Variants in PCDHGB3 observed in about 807,000 individuals in gnomAD.
PCDHGB3 encodes protocadherin gamma subfamily B, 3.
Under a neutral mutation model 59.2 loss-of-function variants are expected in PCDHGB3, and 40 were observed. That is an observed-to-expected ratio of 0.68 (90% CI 0.52 to 0.88). The LOEUF is 0.88. PCDHGB3 is among the 40% of genes least tolerant of loss of function. PCDHGB3 has a pLI of 0.00. For missense variants in PCDHGB3, 1,309 were observed against 1,187.9 expected, an observed-to-expected ratio of 1.10 and a Z score of -1.50; for synonymous variants, 581 against 503.6, an observed-to-expected ratio of 1.15 and a Z score of -2.06.
intron 1 of PCDHGB3, chr5:141,427,447 T>A (rs556527924): frequency 1.9e-4 from 92 of 483,324 alleles, no homozygotes; most frequent in African/African-American, 1.4e-3. Context: ...AACGAAAGAG[T>A]TCCTTTTAGA....
intron 1 of PCDHGB3, chr5:141,384,886 G>T: frequency 6.2e-7 from 1 of 1,613,822 alleles, no homozygotes. Context: ...ACTCACCGTG[G>T]CTGTGGCTGA....
rs375436846 is a variant in PCDHGB3, at chr5:141,399,581, A to T, written c.2415+26772A>T. ...TTGGGGTTGAACGGCCAAGTCTCCT[A>T]CTCTATCATGGCCAGCGACCTAGAG... is the stretch of plus-strand genomic sequence containing the variant. On this transcript the variant is annotated intron_variant, in intron 1 of 3. Coordinates refer to ENST00000576222, the MANE Select transcript of PCDHGB3 (RefSeq NM_018924.5). 9.9e-6 allele frequency: 16 copies of T among 1,613,788 alleles called. No homozygotes were observed. The African/African-American group carries it at 1.9e-4, about 19-fold the overall frequency.
chr5:141,372,507 C>G lies in PCDHGB3; in HGVS notation c.2113C>G (p.Leu705Val), dbSNP rs1393188281. ...GGCCTTGATCTCAGTGCTCTTCCTC[C>G]TCGCGGTGATTCTGGCAATCTCCCT... ...ALALISVLFL[L>V]AVILAISLRL... The change falls in exon 1 of 4, where the codon CTC becomes GTC. Residue 705 changes from leucine to valine, a missense_variant. Physicochemically the swap from Leu to Val is conservative, Grantham distance 32. Coordinates refer to ENST00000576222, the MANE Select transcript of PCDHGB3 (RefSeq NM_018924.5). 6.2e-7 allele frequency: 1 copy of G among 1,614,044 alleles called. No individual in the cohort carries two copies. The highest frequency in any genetic ancestry group is 8.5e-7 in the Non-Finnish European group (1 of 1,179,890).
chr5:141,419,872 A>G (rs1354880437), intron 1 of PCDHGB3: 1 of 1,614,094 alleles, frequency 6.2e-7, no homozygotes, highest in Admixed American at 1.7e-5. Flanking sequence ...TGCAAGAGGT[A>G]CTGCCGGATT....
intron 1 of PCDHGB3, chr5:141,374,852 G>A (rs1770895051): frequency 5.0e-6 from 8 of 1,613,798 alleles, no homozygotes; most frequent in Non-Finnish European, 4.2e-6. Flanking sequence ...AAACCTGCCA[G>A]TAGGCACACC....
intron 1 of PCDHGB3, chr5:141,415,818 A>G: frequency 2.3e-6 from 3 of 1,325,056 alleles, no homozygotes; most frequent in Middle Eastern, 2.8e-4. Context: ...CCTATATATC[A>G]TAAGGCTTTG....
At chr5:141,444,205 CTT>C in intron 1 of PCDHGB3, among the ~76,000 whole-genome samples, 1 of 77,932 alleles carries the variant, frequency 1.3e-5, no homozygotes. Context: ...GAGTTTCACT[CTT>C]GTTGCCCAGG....
intron 1 of PCDHGB3, chr5:141,478,450 AGCCAGTCCACTGGCCAGCC>A (rs1562070520): frequency 6.2e-7 from 1 of 1,613,572 alleles, no homozygotes. Context: ...AACCTGGTGC[AGCCAGTCCACTGGCCAGCC>A]GCCAGAACAC....
At chr5:141,374,811 C>A (rs1770858987) in intron 1 of PCDHGB3, 1 of 1,613,868 alleles carries the variant, frequency 6.2e-7, no homozygotes, top group Admixed American at 1.7e-5. Flanking sequence ...CCAATGTTTA[C>A]TCAGCCTGTC....
chr5:141,476,483 G>T lies in PCDHGB3; in HGVS notation c.2416-18324G>T. On this transcript the variant is annotated intron_variant, in intron 1 of 3. Coordinates refer to ENST00000576222, the MANE Select transcript of PCDHGB3 (RefSeq NM_018924.5). The surrounding 1 kb of genome is among the most constrained non-coding windows in gnomAD (Gnocchi z 7.6). ...CCCGCTGGAGCTGTTCAGCGTGGAA[G>T]TGGTGATCCAGGACATCAACGACAA... 6.2e-7 allele frequency: 1 copy of T among 1,614,166 alleles called. No homozygotes were observed. The highest frequency in any genetic ancestry group is 8.5e-7 in the Non-Finnish European group (1 of 1,180,034).
At chr5:141,430,853 C>G (rs769009864) in intron 1 of PCDHGB3, 2 of 1,587,214 alleles carry the variant, frequency 1.3e-6, no homozygotes, top group Non-Finnish European at 1.7e-6. Flanking sequence ...CACCCAGATA[C>G]GCTATTCAGT....
chr5:141,418,649 G>A (rs760169796), intron 1 of PCDHGB3: 3 of 1,613,926 alleles, frequency 1.9e-6, no homozygotes, highest in Non-Finnish European at 2.5e-6. Flanking sequence ...CATCCTGAGA[G>A]TGAAGGCCAC....
chr5:141,382,956 C>G (rs373364562), intron 1 of PCDHGB3: 1 of 1,606,182 alleles, frequency 6.2e-7, no homozygotes, highest in Non-Finnish European at 8.5e-7. Flanking sequence ...TCTCCATCCT[C>G]CTGGGGACCC....
In PCDHGB3 at chr5:141,382,679, C is replaced by T. The variant is rs184405216; in HGVS notation, c.2415+9870C>T. On this transcript the variant is annotated intron_variant, in intron 1 of 3. Transcript: ENST00000576222. ...ACTCACAGCGCCGCTGTTCACCAAC[C>T]AGGGAAAAATGGTGCGAGAGATCCC... 912 of 439,966 alleles carry T rather than the reference C, an allele frequency of 2.1e-3. 11 individuals carry two copies. Among genetic ancestry groups the T allele is most frequent in the Non-Finnish European group, 1.1e-3 (277 of 250,538 alleles). 27.3% of individuals were successfully genotyped at this position (439,966 alleles called of 1,614,324 possible). A position where few individuals can be genotyped will look rare whatever the true frequency, so the allele number is the denominator to read the frequency against.
At chr5:141,508,371 C>T (rs1250979168) in intron 3 of PCDHGB3, 1 of 152,226 alleles carries the variant, frequency 6.6e-6, no homozygotes, top group East Asian at 1.9e-4. Flanking sequence ...CAACTTCTTC[C>T]CCTCAGATTT....
intron 1 of PCDHGB3, chr5:141,410,406 C>A (rs1361000460): frequency 6.2e-7 from 1 of 1,614,050 alleles, no homozygotes; most frequent in Non-Finnish European, 8.5e-7. Flanking sequence ...TGTGTCAAGT[C>A]TGGACCTGTA....
chr5:141,375,005 G>T, intron 1 of PCDHGB3: 2 of 1,614,010 alleles, frequency 1.2e-6, no homozygotes, highest in Non-Finnish European at 1.7e-6. Flanking sequence ...TGCAAATCTA[G>T]ACTATGAGGA....
At chr5:141,387,568 T>G in intron 1 of PCDHGB3, 1 of 447,496 alleles carries the variant, frequency 2.2e-6, no homozygotes, top group Admixed American at 3.9e-5. Context: ...CACACAATTA[T>G]AATTATTGCA....
chr5:141,410,847 GTC>G (rs2095431261), intron 1 of PCDHGB3: 6 of 158,244 alleles, frequency 3.8e-5, no homozygotes, highest in Admixed American at 8.9e-5. Context: ...TTTTGTCTTT[GTC>G]TTTTTTTTTT....
Sources: allele counts gnomAD v4.1 joint callset (sites outside exome capture counted in the v4.1 genomes callset), GRCh38; gene constraint gnomAD v4.1.1; non-coding constraint Gnocchi (gnomAD v3.1); transcripts MANE v1.5; gene names NCBI Gene and HGNC (gene_info 2026-07-23, HGNC 2026-07-21).